The following CACNB2 variants were observed in gnomAD, a reference collection of about 807,000 sequenced individuals.
CACNB2 encodes calcium voltage-gated channel auxiliary subunit beta 2, also known as voltage-dependent L-type calcium channel subunit beta-2.
In CACNB2, 42 loss-of-function variants were observed where a neutral mutation model predicts 73.3. That is an observed-to-expected ratio of 0.57 (90% CI 0.45 to 0.74). The LOEUF is 0.74. Among genes scored for constraint, CACNB2 ranks in the 30% least tolerant of loss-of-function variants. The probability of loss-of-function intolerance (pLI) is 0.00; values close to 1 mark genes in which losing one functional copy is unlikely to be tolerated. For synonymous variants in CACNB2, 348 were observed against 310.3 expected (o/e 1.12, Z -1.28); for missense variants, 940 against 853.0 (o/e 1.10, Z -1.27).
intron 2 of CACNB2, among the ~76,000 whole-genome samples, chr10:18,328,733 T>G (rs2040681549): frequency 6.6e-6 from 1 of 152,210 alleles, no homozygotes; most frequent in African/African-American, 2.4e-5. Flanking sequence ...CTCAATTCAA[T>G]GAACTGCTCT....
chr10:18,401,387 C>T (rs1454024348), intron 2 of CACNB2, among the ~76,000 whole-genome samples: 1 of 152,114 alleles, frequency 6.6e-6, no homozygotes, highest in Non-Finnish European at 1.5e-5. Context: ...AAGTTAGCTG[C>T]TAGTGTCTTA....
intron 3 of CACNB2, among the ~76,000 whole-genome samples, chr10:18,434,491 C>A (rs930486295): frequency 1.3e-5 from 2 of 152,132 alleles, no homozygotes; most frequent in Non-Finnish European, 2.9e-5. Context: ...ATTTTCAGGA[C>A]ACAACCTGGA....
At position 18,507,400 on chromosome 10, in the gene CACNB2, C is replaced by A. The variant is rs555361844; in HGVS notation, c.670+853C>A. On this transcript the variant is annotated intron_variant, in intron 6 of 13. Coordinates refer to ENST00000324631, the MANE Select transcript of CACNB2 (RefSeq NM_201596.3). ...AGCAGTGGGTTCATCCTAATGGTTGCTGGATAAAATAAAGCACACCTACTT... is the reference window on the plus strand; with the variant it reads ...AGCAGTGGGTTCATCCTAATGGTTGATGGATAAAATAAAGCACACCTACTT... Among the ~76,000 whole-genome samples, 4 of 152,206 alleles carry A rather than the reference C, an allele frequency of 2.6e-5. No homozygotes were observed. In the East Asian group the frequency reaches 7.7e-4, roughly 29 times the overall value.
At chr10:18,390,735 CA>C (rs1223535804) in intron 2 of CACNB2, among the ~76,000 whole-genome samples, 1 of 152,136 alleles carries the variant, frequency 6.6e-6, no homozygotes, top group Non-Finnish European at 1.5e-5. Context: ...ATAGGAATGT[CA>C]GGGGTAGTGC....
At chr10:18,515,253 A>G (rs749774933) in intron 7 of CACNB2, among the ~76,000 whole-genome samples, 15 of 152,136 alleles carry the variant, frequency 9.9e-5, no homozygotes, top group Non-Finnish European at 1.8e-4. Context: ...CTTCAGACAA[A>G]GCCTTTTCCT....
At position 18,289,290 on chromosome 10, in the gene CACNB2, TTGTTTTG is replaced by T. The variant is rs1366234336; in HGVS notation, c.214-112632_214-112626del. Among the ~76,000 whole-genome samples, 24 of 55,302 alleles carry T rather than the reference TTGTTTTG, an allele frequency of 4.3e-4. 1 individual carries two copies. Among genetic ancestry groups the T allele is most frequent in the African/African-American group, 2.1e-3 (18 of 8,696 alleles). The allele number at this position is 55,302 out of a possible 152,430, so 36.3% of individuals were successfully genotyped here. ...GTCTTCATTTTTTTTTCTTGTTTTT[TTGTTTTG>T]TTTTTTTTTTTTTTTGAGATGGGGT... On this transcript the variant is annotated intron_variant, in intron 2 of 13. Coordinates refer to ENST00000324631, the MANE Select transcript of CACNB2 (RefSeq NM_201596.3).
chr10:18,483,601 G>C (rs183633875), intron 3 of CACNB2, among the ~76,000 whole-genome samples: 4 of 151,544 alleles, frequency 2.6e-5, no homozygotes, highest in African/African-American at 9.7e-5. Context: ...AAATAAAATC[G>C]CTGAAATTTG....
At chr10:18,211,406 A>G (rs2035311019) in intron 2 of CACNB2, among the ~76,000 whole-genome samples, 2 of 152,170 alleles carry the variant, frequency 1.3e-5, no homozygotes, top group Non-Finnish European at 2.9e-5. Context: ...TCAACTTTTA[A>G]GATATACAAA....
At chr10:18,312,844 A>C (rs1215964210) in intron 2 of CACNB2, among the ~76,000 whole-genome samples, 1 of 152,194 alleles carries the variant, frequency 6.6e-6, no homozygotes, top group Non-Finnish European at 1.5e-5. Context: ...CCAGAGTTTT[A>C]GTGCGTTCTC....
chr10:18,539,646 T>G lies in CACNB2; in HGVS notation c.1905T>G (p.Cys635Trp). Residue 635 changes from cysteine (C) to tryptophan (W), a missense_variant, in exon 14 of 14, where the codon TGT becomes TGG. Cys to Trp is a radical substitution (Grantham distance 215). Transcript: ENST00000324631. Reference sequence around the variant, plus strand: ...GTCATAAATCCAAGGATCGCTACTGTGAAAAGGATGGAGAAGTGATATCAA... The same window carrying G: ...GTCATAAATCCAAGGATCGCTACTGGGAAAAGGATGGAGAAGTGATATCAA... ...RSRHKSKDRY[C>W]EKDGEVISKK... is the part of the protein sequence containing the mutation. The G allele has an allele frequency of 6.2e-7, 1 of 1,612,762 alleles. No individual in the cohort carries two copies. Among genetic ancestry groups the G allele is most frequent in the Non-Finnish European group, 8.5e-7 (1 of 1,179,818 alleles).
intron 2 of CACNB2, among the ~76,000 whole-genome samples, chr10:18,300,544 C>G (rs1480383987): frequency 6.6e-6 from 1 of 152,242 alleles, no homozygotes. Context: ...CCTATTACAG[C>G]AATGACAACG....
chr10:18,283,342 G>C (rs1224021569), intron 2 of CACNB2, among the ~76,000 whole-genome samples: 1 of 152,070 alleles, frequency 6.6e-6, no homozygotes, highest in Non-Finnish European at 1.5e-5. Context: ...AGGATTATAC[G>C]TCATGCTGCG....
Position 18,220,245 on chromosome 10 carries a change from A to AGGGTGG in CACNB2, c.213+69271_213+69272insGGTGGG, listed in dbSNP as rs1463327947. On this transcript the variant is annotated intron_variant, in intron 2 of 13. Transcript: ENST00000324631. ...TATATATATATATAGAGAGAGAGAG[A>AGGGTGG]GAGAGAGAGAGAGAGAGAGAGAGAG... 2.9e-4 allele frequency among the ~76,000 whole-genome samples: 28 copies of AGGGTGG among 98,222 alleles called. 2 individuals are homozygous for AGGGTGG. In the South Asian group the frequency reaches 5.6e-3, roughly 20 times the overall value. 64.4% of individuals were successfully genotyped at this position (98,222 alleles called of 152,430 possible).
chr10:18,281,169 T>G (rs2131699091), intron 2 of CACNB2, among the ~76,000 whole-genome samples: 1 of 152,268 alleles, frequency 6.6e-6, no homozygotes, highest in South Asian at 2.1e-4. Flanking sequence ...ATAATACTCA[T>G]TAGTGTTGGA....
intron 2 of CACNB2, among the ~76,000 whole-genome samples, chr10:18,316,498 C>T (rs1471744667): frequency 6.6e-6 from 1 of 150,432 alleles, no homozygotes; most frequent in African/African-American, 2.5e-5. Flanking sequence ...GAGTCTCGCA[C>T]TGTCACCCAG....
chr10:18,538,739 T>A (rs889392454), intron 13 of CACNB2, among the ~76,000 whole-genome samples: 1 of 152,140 alleles, frequency 6.6e-6, no homozygotes, highest in Admixed American at 6.6e-5. Flanking sequence ...GAATTAATAA[T>A]CTCAAGAGAT....
intron 2 of CACNB2, among the ~76,000 whole-genome samples, chr10:18,329,618 G>C (rs528275963): frequency 6.6e-6 from 1 of 151,806 alleles, no homozygotes; most frequent in Admixed American, 6.6e-5. Flanking sequence ...CTAAGTGTGC[G>C]TTTAGAAAGT....
At chr10:18,447,023 G>A (rs977576213) in intron 3 of CACNB2, among the ~76,000 whole-genome samples, 7 of 151,342 alleles carry the variant, frequency 4.6e-5, no homozygotes, top group South Asian at 2.1e-4. Flanking sequence ...TTATGCCGTT[G>A]TACTCCACCC....
At chr10:18,535,507 T>C (rs138488415) in intron 11 of CACNB2, among the ~76,000 whole-genome samples, 1,666 of 152,198 alleles carry the variant, frequency 0.011, 15 homozygotes, top group Middle Eastern at 0.027. Flanking sequence ...GCGCAGTGGC[T>C]CATACCTGTA....
Sources: gnomAD v4.1 joint callset for allele counts (sites outside exome capture counted in the v4.1 genomes callset) on GRCh38, gnomAD v4.1.1 for gene constraint, MANE v1.5 for transcripts, NCBI Gene and HGNC (gene_info 2026-07-23, HGNC 2026-07-21) for gene names.